The following AMZ1 variants were observed in gnomAD, a reference collection of about 807,000 sequenced individuals.
AMZ1 encodes archaemetzincin-1.
AMZ1 carries 39 observed loss-of-function variants against 29.9 expected under a neutral mutation model. The observed-to-expected ratio is 1.30, with a 90% CI of 1.01 to 1.70. The LOEUF (loss-of-function observed/expected upper bound fraction) is 1.70, where lower values mean the gene tolerates loss of function less well. Ranked by LOEUF, AMZ1 falls within the 40% of genes most tolerant of loss-of-function variation. The pLI is 0.00. For missense variants in AMZ1, 1,041 were observed against 680.6 expected (o/e 1.53, Z -5.89); for synonymous variants, 458 against 304.0 (o/e 1.51, Z -5.27).
intron 1 of AMZ1, among the ~76,000 whole-genome samples, chr7:2,698,462 C>G (rs1482570125): frequency 1.3e-5 from 2 of 151,890 alleles, no homozygotes; most frequent in Non-Finnish European, 2.9e-5. Context: ...TGCTTGAACC[C>G]GGGAGGTGGA....
chr7:2,758,856 G>A (rs1275778562), intron 4 of AMZ1, among the ~76,000 whole-genome samples: 1 of 152,170 alleles, frequency 6.6e-6, no homozygotes, highest in Non-Finnish European at 1.5e-5. Context: ...TCAACATGAT[G>A]GGTCTCTGCT....
intron 1 of AMZ1, among the ~76,000 whole-genome samples, chr7:2,693,590 C>T (rs1439322609): frequency 2.0e-5 from 3 of 151,838 alleles, no homozygotes; most frequent in East Asian, 3.9e-4. Context: ...GAGTCTTGCT[C>T]TGTGGCCCAG....
At chr7:2,708,428 T>C (rs1296364107) in intron 3 of AMZ1, among the ~76,000 whole-genome samples, 160 bp from the exon 4 acceptor site, 1 of 152,174 alleles carries the variant, frequency 6.6e-6, no homozygotes, top group African/African-American at 2.4e-5. Flanking sequence ...CATGCAGTAC[T>C]GTGTGCCCTC....
intron 1 of AMZ1, among the ~76,000 whole-genome samples, chr7:2,695,004 A>C (rs1787621757): frequency 1.3e-5 from 2 of 152,144 alleles, no homozygotes; most frequent in Non-Finnish European, 2.9e-5. Context: ...TAAATGAATG[A>C]ACCCGTGCGT....
rs1789282278 is a variant in AMZ1 at position 2,718,796 on chromosome 7, A to AC, written c.*5919dup. Among the ~76,000 whole-genome samples, 1 of 152,020 alleles carries AC rather than the reference A, an allele frequency of 6.6e-6. No individual in the cohort carries two copies. Among genetic ancestry groups the AC allele is most frequent in the African/African-American group, 2.4e-5 (1 of 41,398 alleles). ...GCCGAGCTGCGTCCGGCTCTCAGGG[A>AC]CTTCCTCTCCCTGTGCTCTGCCCAC... On this transcript the variant is annotated 3_prime_UTR_variant, in exon 7 of 7. Coordinates refer to ENST00000683327, the MANE Select transcript of AMZ1 (RefSeq NM_001384743.1).
At chr7:2,739,054 A>C (rs950696384) in intron 4 of AMZ1, among the ~76,000 whole-genome samples, 3 of 152,202 alleles carry the variant, frequency 2.0e-5, no homozygotes, top group African/African-American at 7.2e-5. Context: ...TACAACTGTA[A>C]GCTCAGGCTC....
At chr7:2,730,546 G>C (rs1789835416) in intron 4 of AMZ1, 1 of 152,470 alleles carries the variant, frequency 6.6e-6, no homozygotes, top group Non-Finnish European at 1.5e-5. Flanking sequence ...CGGCTCCTCA[G>C]CTTCATCTGA....
chr7:2,757,573 C>A (rs954080995), intron 4 of AMZ1, among the ~76,000 whole-genome samples: 7 of 152,200 alleles, frequency 4.6e-5, no homozygotes, highest in East Asian at 3.8e-4. Context: ...CACCAGCCTG[C>A]GAGGTTCCGA....
chr7:2,705,302 C>T (rs542273477), intron 3 of AMZ1, among the ~76,000 whole-genome samples: 1 of 152,340 alleles, frequency 6.6e-6, no homozygotes, highest in South Asian at 2.1e-4. Flanking sequence ...ATCCTGCCCA[C>T]TCCCCCACCC....
Position 2,718,305 on chromosome 7 carries a change from G to A in AMZ1, c.*5427G>A, listed in dbSNP as rs954685564. On this transcript the variant is annotated 3_prime_UTR_variant, in exon 7 of 7. Coordinates refer to ENST00000683327, the MANE Select transcript of AMZ1 (RefSeq NM_001384743.1). The stretch of plus-strand genomic sequence containing the variant: ...CTCTCTCAGGCAGGGTGCTCTGCCC[G>A]CCACAGTGTGCCTGGTTTTCTGGAT... Among the ~76,000 whole-genome samples the A allele has an allele frequency of 5.3e-5, 8 of 152,288 alleles. No homozygotes were observed. Among genetic ancestry groups the A allele is most frequent in the South Asian group, 2.1e-4 (1 of 4,816 alleles).
At chr7:2,743,730 C>T (rs1477353077) in intron 4 of AMZ1, among the ~76,000 whole-genome samples, 1 of 152,200 alleles carries the variant, frequency 6.6e-6, no homozygotes, top group East Asian at 1.9e-4. Context: ...GAGGCACTGC[C>T]TCACTCGGGA....
chr7:2,758,781 T>C (rs1791419293), intron 4 of AMZ1, among the ~76,000 whole-genome samples: 1 of 152,188 alleles, frequency 6.6e-6, no homozygotes, highest in Non-Finnish European at 1.5e-5. Flanking sequence ...GATAATCAAG[T>C]GCAGTTTACT....
chr7:2,706,995 C>A (rs116415448), intron 3 of AMZ1, among the ~76,000 whole-genome samples: 4,597 of 152,270 alleles, frequency 0.03, 249 homozygotes, highest in African/African-American at 0.11. Flanking sequence ...AAACACAGGG[C>A]CAGCTGTGGT....
In AMZ1 at chr7:2,738,726, A is replaced by G. The variant is rs1261164707; in HGVS notation, n.551-25986A>G. Among the ~76,000 whole-genome samples the G allele has an allele frequency of 2.6e-5, 4 of 152,298 alleles. No individual in the cohort carries two copies. In the South Asian group the frequency reaches 6.2e-4, roughly 24 times the overall value. On this transcript the variant is annotated intron_variant and non_coding_transcript_variant, in intron 4 of 4. Transcript: ENST00000489665. ...TTCCATAATTAAAAAAAAATTAAAT[A>G]AAAAACCAACCCCTCAAAATTGAAC...
At chr7:2,698,862 G>A (rs1446965470) in intron 1 of AMZ1, among the ~76,000 whole-genome samples, 1 of 152,114 alleles carries the variant, frequency 6.6e-6, no homozygotes, top group East Asian at 1.9e-4. Context: ...GTTAGTTAGA[G>A]AATAGGGCTG....
At position 2,715,442 on chromosome 7, in the gene AMZ1, C is replaced by A. The variant is rs1789065448; in HGVS notation, c.*2564C>A. On this transcript the variant is annotated 3_prime_UTR_variant, in exon 7 of 7. Transcript: ENST00000683327. ...AAACAGAGGTGATAAAAATAGAATG[C>A]CTGGCTCATGCTGAGGGTGGGAGCC... 6.6e-6 allele frequency: 1 copy of A among 152,316 alleles called. No individual in the cohort carries two copies. The allele number at this position is 152,316 out of a possible 1,614,324, so 9.4% of individuals were successfully genotyped here. A position where few individuals can be genotyped will look rare whatever the true frequency, so the allele number is the denominator to read the frequency against.
At chr7:2,700,163 C>T (rs1787964890) in intron 1 of AMZ1, 71 bp from the exon 2 acceptor site, 10 of 478,650 alleles carry the variant, frequency 2.1e-5, no homozygotes, top group African/African-American at 3.9e-5. Context: ...CAGGAGCGGC[C>T]CATCCCTTGC....
intron 3 of AMZ1, among the ~76,000 whole-genome samples, chr7:2,705,312 C>G (rs4719641): frequency 0.72 from 109,548 of 152,092 alleles, 39,630 homozygotes; most frequent in South Asian, 0.87. Flanking sequence ...CTCCCCCACC[C>G]CAGAAACAGT....
intron 4 of AMZ1, among the ~76,000 whole-genome samples, chr7:2,737,296 TTTTTTTTTTTG>T: frequency 8.5e-6 from 1 of 117,332 alleles, no homozygotes; most frequent in African/African-American, 3.3e-5. Flanking sequence ...TTTGTTTTTT[TTTTTTTTTTTG>T]AGATGGAGTC....
Sources: allele counts gnomAD v4.1 joint callset (sites outside exome capture counted in the v4.1 genomes callset), GRCh38; gene constraint gnomAD v4.1.1; transcripts MANE v1.5; gene names NCBI Gene and HGNC (gene_info 2026-07-23, HGNC 2026-07-21).